PIP5K1B: variants seen among roughly 807,000 people sequenced by gnomAD.
The protein encoded by PIP5K1B is phosphatidylinositol 4-phosphate 5-kinase type-1 beta.
Under a neutral mutation model 67.0 loss-of-function variants are expected in PIP5K1B, and 42 were observed. The observed-to-expected ratio is 0.63, with a 90% CI of 0.49 to 0.81. The LOEUF (loss-of-function observed/expected upper bound fraction) is 0.81. Among genes scored for constraint, PIP5K1B ranks in the 30% least tolerant of loss-of-function variants. The probability of loss-of-function intolerance (pLI) is 0.00; values close to 1 mark genes in which losing one functional copy is unlikely to be tolerated. For missense variants in PIP5K1B, 459 were observed against 646.3 expected (o/e 0.71, Z 3.14); for synonymous variants, 214 against 231.4 (o/e 0.92, Z 0.68).
chr9:68,979,740 C>A (rs929301246), intron 14 of PIP5K1B, among the ~76,000 whole-genome samples: 1 of 152,226 alleles, frequency 6.6e-6, no homozygotes, highest in Admixed American at 6.5e-5. Context: ...GCTGTGCCTG[C>A]AGCAGGCTTC....
chr9:68,725,459 A>G (rs1047219551), intron 1 of PIP5K1B, among the ~76,000 whole-genome samples: 2 of 152,224 alleles, frequency 1.3e-5, no homozygotes, highest in Non-Finnish European at 2.9e-5. Flanking sequence ...AGCATTGCAC[A>G]CATTAGAGAA....
chr9:68,758,918 A>T (rs35448627), intron 2 of PIP5K1B, among the ~76,000 whole-genome samples: 3 of 152,164 alleles, frequency 2.0e-5, no homozygotes, highest in South Asian at 2.1e-4. Context: ...TGTATTTCTC[A>T]TCATGGAGAA....
intron 4 of PIP5K1B, among the ~76,000 whole-genome samples, chr9:68,861,114 A>G (rs1823042233): frequency 6.6e-6 from 1 of 152,234 alleles, no homozygotes; most frequent in African/African-American, 2.4e-5. Flanking sequence ...AAAAAGATTA[A>G]TAACTACTTT....
chr9:68,709,301 G>C (rs1358230292), intron 1 of PIP5K1B, among the ~76,000 whole-genome samples: 2 of 151,786 alleles, frequency 1.3e-5, no homozygotes, highest in Admixed American at 1.3e-4. Context: ...GAGTGCAGTG[G>C]CCCAACTCCA....
intron 14 of PIP5K1B, among the ~76,000 whole-genome samples, chr9:68,977,724 G>A (rs553354303): frequency 1.6e-4 from 24 of 147,604 alleles, no homozygotes; most frequent in South Asian, 8.5e-4. Flanking sequence ...GCATGGTCTC[G>A]GCTCACTGGA....
intron 2 of PIP5K1B, among the ~76,000 whole-genome samples, chr9:68,751,808 G>A (rs1052262935): frequency 2.0e-5 from 3 of 152,142 alleles, no homozygotes; most frequent in African/African-American, 7.2e-5. Flanking sequence ...TTTGGGAACT[G>A]GTAGAAGTGG....
intron 14 of PIP5K1B, among the ~76,000 whole-genome samples, chr9:68,955,586 T>C (rs1055191447): frequency 6.6e-6 from 1 of 152,236 alleles, no homozygotes; most frequent in Non-Finnish European, 1.5e-5. Context: ...AACTGGATAT[T>C]TTTGTTTAAG....
In PIP5K1B at chr9:68,824,697, A is replaced by G. The variant is rs535096160; in HGVS notation, c.69+2014A>G. 2.6e-5 allele frequency among the ~76,000 whole-genome samples: 4 copies of G among 152,364 alleles called. No individual in the cohort carries two copies. The South Asian group carries it at 8.3e-4, about 32-fold the overall frequency. ...AGCCCTTAATAAATATGGTATTGAT[A>G]TGAATAGCAAGAAGAAGGAATCGCT... is the stretch of plus-strand genomic sequence containing the variant. On this transcript the variant is annotated intron_variant, in intron 4 of 15. Coordinates refer to ENST00000265382, the MANE Select transcript of PIP5K1B (RefSeq NM_003558.4).
intron 4 of PIP5K1B, among the ~76,000 whole-genome samples, chr9:68,829,971 G>C (rs1255418182): frequency 6.6e-6 from 1 of 152,120 alleles, no homozygotes; most frequent in East Asian, 1.9e-4. Flanking sequence ...GGTAGCTGCA[G>C]TCAAGCCTGG....
intron 4 of PIP5K1B, among the ~76,000 whole-genome samples, chr9:68,823,356 G>C (rs1324800122): frequency 6.6e-6 from 1 of 152,052 alleles, no homozygotes; most frequent in East Asian, 1.9e-4. Context: ...GGCTCCTGAG[G>C]GCATGCAGTG....
intron 14 of PIP5K1B, among the ~76,000 whole-genome samples, chr9:68,957,772 T>C (rs1828478245): frequency 6.6e-6 from 1 of 152,172 alleles, no homozygotes; most frequent in Non-Finnish European, 1.5e-5. Context: ...TACAGCCTAC[T>C]ACAGAGGCAG....
chr9:68,730,176 C>T lies in PIP5K1B; in HGVS notation c.-242-12325C>T, dbSNP rs371150992. Among the ~76,000 whole-genome samples, 198 of 152,312 alleles carry T rather than the reference C, an allele frequency of 1.3e-3. 7 individuals are homozygous for T. In the South Asian group the frequency reaches 0.04, roughly 30 times the overall value. ...AGGATGAAAAAGCATAGAATGGTTA[C>T]ATACAATTTGCATTGATGATTTTGT... On this transcript the variant is annotated intron_variant, in intron 1 of 15. Coordinates refer to ENST00000265382, the MANE Select transcript of PIP5K1B (RefSeq NM_003558.4).
chr9:68,978,679 C>T (rs1375068051), intron 14 of PIP5K1B, among the ~76,000 whole-genome samples: 1 of 152,156 alleles, frequency 6.6e-6, no homozygotes, highest in Non-Finnish European at 1.5e-5. Flanking sequence ...GGGAGAAAAG[C>T]AGATACTGTT....
chr9:68,819,791 A>C (rs4744712), intron 3 of PIP5K1B, among the ~76,000 whole-genome samples: 93,491 of 151,978 alleles, frequency 0.62, 28,934 homozygotes, highest in Admixed American at 0.71. Context: ...CCTGGTTAAT[A>C]GGTTTATGTG....
At chr9:68,785,178 T>C (rs754790370) in intron 2 of PIP5K1B, among the ~76,000 whole-genome samples, 4 of 152,142 alleles carry the variant, frequency 2.6e-5, no homozygotes, top group Non-Finnish European at 5.9e-5. Flanking sequence ...GCCCAGTGTG[T>C]GAAGTAGTTA....
chr9:68,986,093 T>A (rs1462047149), intron 14 of PIP5K1B, among the ~76,000 whole-genome samples: 1 of 152,256 alleles, frequency 6.6e-6, no homozygotes, highest in Non-Finnish European at 1.5e-5. Context: ...TGGACAAGTT[T>A]TCATTTTTCT....
intron 2 of PIP5K1B, among the ~76,000 whole-genome samples, chr9:68,744,159 G>C (rs1829157085): frequency 6.6e-6 from 1 of 152,204 alleles, no homozygotes; most frequent in East Asian, 1.9e-4. Context: ...GGCCAAGGAT[G>C]GACAATGTTA....
intron 14 of PIP5K1B, among the ~76,000 whole-genome samples, chr9:68,969,400 GATA>G (rs1829235558): frequency 6.7e-6 from 1 of 148,324 alleles, no homozygotes; most frequent in Admixed American, 6.7e-5. Context: ...CTGTAAATGA[GATA>G]ATGTATGTGG....
intron 4 of PIP5K1B, among the ~76,000 whole-genome samples, chr9:68,848,003 A>T (rs1356729699): frequency 1.3e-5 from 2 of 152,122 alleles, no homozygotes; most frequent in Non-Finnish European, 2.9e-5. Context: ...ATGAGCATGG[A>T]CTCAGGGTTA....
Sources: allele counts gnomAD v4.1 joint callset (sites outside exome capture counted in the v4.1 genomes callset), GRCh38; gene constraint gnomAD v4.1.1; transcripts MANE v1.5; gene names NCBI Gene and HGNC (gene_info 2026-07-23, HGNC 2026-07-21).